NCAM2: variants seen among roughly 807,000 people sequenced by gnomAD.
The protein encoded by NCAM2 is N-CAM-2.
In NCAM2, 30 loss-of-function variants were observed where a neutral mutation model predicts 98.1. The observed-to-expected ratio is 0.31, with a 90% CI of 0.23 to 0.41. The LOEUF (loss-of-function observed/expected upper bound fraction) is 0.41, where lower values mean the gene tolerates loss of function less well. NCAM2 is among the 10% of genes least tolerant of loss of function. NCAM2 has a pLI of 1.00. For synonymous variants in NCAM2, 368 were observed against 342.4 expected (o/e 1.07, Z -0.83); for missense variants, 867 against 1,005.8 (o/e 0.86, Z 1.87).
At chr21:21,107,619 C>T (rs2066375444) in intron 1 of NCAM2, among the ~76,000 whole-genome samples, 1 of 151,948 alleles carries the variant, frequency 6.6e-6, no homozygotes, top group Non-Finnish European at 1.5e-5. Context: ...TAAAAACTTT[C>T]AACATATTTT....
At chr21:21,155,664 ATAATG>A (rs1040987325) in intron 1 of NCAM2, among the ~76,000 whole-genome samples, 6 of 151,894 alleles carry the variant, frequency 4.0e-5, no homozygotes, top group African/African-American at 2.4e-5. Context: ...CTTTAAATTG[ATAATG>A]TAATAGAAAC....
chr21:21,431,320 A>G (rs78814103), intron 11 of NCAM2, among the ~76,000 whole-genome samples: 203 of 147,070 alleles, frequency 1.4e-3, no homozygotes, highest in African/African-American at 3.9e-3. Context: ...CCTCACTGGG[A>G]TTTTTTTTTT....
chr21:21,020,420 C>G (rs1178322052), intron 1 of NCAM2, among the ~76,000 whole-genome samples: 1 of 152,192 alleles, frequency 6.6e-6, no homozygotes. Context: ...GAACTGTTGT[C>G]TGGGCTCTGG....
At chr21:21,254,051 A>C (rs1485284521) in intron 1 of NCAM2, among the ~76,000 whole-genome samples, 1 of 152,232 alleles carries the variant, frequency 6.6e-6, no homozygotes, top group Non-Finnish European at 1.5e-5. Flanking sequence ...CCAAAAACTT[A>C]CACCAGAAAA....
intron 1 of NCAM2, among the ~76,000 whole-genome samples, chr21:21,225,249 C>G (rs888426586): frequency 9.2e-5 from 14 of 151,968 alleles, no homozygotes; most frequent in African/African-American, 3.4e-4. Flanking sequence ...CACACTGGGG[C>G]TTGTCAGGGG....
At chr21:21,335,694 T>C in intron 7 of NCAM2, 29 bp downstream of exon 7, 1 of 1,535,756 alleles carries the variant, frequency 6.5e-7, no homozygotes, top group Non-Finnish European at 8.8e-7. Context: ...TGGCTAAAAC[T>C]GTTATGTCTA....
chr21:21,200,279 G>T (rs1238818004), intron 1 of NCAM2, among the ~76,000 whole-genome samples: 1 of 152,002 alleles, frequency 6.6e-6, no homozygotes. Flanking sequence ...AAATGGACTT[G>T]CATGGGTCAC....
intron 1 of NCAM2, among the ~76,000 whole-genome samples, chr21:21,129,316 G>A (rs2066888832): frequency 6.6e-6 from 1 of 151,998 alleles, no homozygotes; most frequent in African/African-American, 2.4e-5. Context: ...TTTAATCATT[G>A]TATTATGATT....
At chr21:21,399,158 A>G (rs2076577277) in intron 9 of NCAM2, among the ~76,000 whole-genome samples, 1 of 152,310 alleles carries the variant, frequency 6.6e-6, no homozygotes, top group Non-Finnish European at 1.5e-5. Context: ...TTAATGAGAA[A>G]TATGGTTAAT....
intron 16 of NCAM2, among the ~76,000 whole-genome samples, chr21:21,521,904 C>G (rs549891969): frequency 6.6e-6 from 1 of 151,454 alleles, no homozygotes; most frequent in Non-Finnish European, 1.5e-5. Flanking sequence ...AGGCACCATA[C>G]CATAGATCCA....
At chr21:21,302,578 C>CTA (rs1354739010) in intron 5 of NCAM2, among the ~76,000 whole-genome samples, 1 of 151,972 alleles carries the variant, frequency 6.6e-6, no homozygotes, top group African/African-American at 2.4e-5. Flanking sequence ...ACTCAGAAGG[C>CTA]TATTATTAAA....
intron 1 of NCAM2, among the ~76,000 whole-genome samples, chr21:21,074,268 A>T (rs2065632431): frequency 6.6e-6 from 1 of 152,006 alleles, no homozygotes; most frequent in African/African-American, 2.4e-5. Context: ...AACGATTTTG[A>T]TGAATATAAA....
chr21:21,043,892 T>G (rs533705362), intron 1 of NCAM2, among the ~76,000 whole-genome samples: 1 of 150,176 alleles, frequency 6.7e-6, no homozygotes, highest in Non-Finnish European at 1.5e-5. Context: ...GATATGTGAA[T>G]CTTTCTTTGC....
chr21:21,033,076 C>G (rs1049443393), intron 1 of NCAM2, among the ~76,000 whole-genome samples: 1 of 151,964 alleles, frequency 6.6e-6, no homozygotes, highest in Non-Finnish European at 1.5e-5. Flanking sequence ...TCCCAAGTAG[C>G]TGTAGCTGGG....
intron 1 of NCAM2, among the ~76,000 whole-genome samples, chr21:21,052,224 C>T (rs1338964602): frequency 7.2e-6 from 1 of 138,742 alleles, no homozygotes; most frequent in Non-Finnish European, 1.5e-5. Flanking sequence ...CTGGCACTGG[C>T]AACATCTCGG....
intron 1 of NCAM2, among the ~76,000 whole-genome samples, chr21:21,070,300 AAT>A (rs1399901529): frequency 1.3e-5 from 2 of 150,472 alleles, no homozygotes; most frequent in Non-Finnish European, 3.0e-5. Context: ...CTAATATGTA[AAT>A]ATGTTATCAA....
intron 1 of NCAM2, among the ~76,000 whole-genome samples, chr21:21,119,775 G>A (rs927502985): frequency 6.6e-6 from 1 of 151,980 alleles, no homozygotes; most frequent in African/African-American, 2.4e-5. Flanking sequence ...AAACTTTTAG[G>A]AAAAATAAGT....
At chr21:21,514,472 C>CAAAAAA (rs56710788) in intron 16 of NCAM2, among the ~76,000 whole-genome samples, 675 of 127,570 alleles carry the variant, frequency 5.3e-3, no homozygotes, top group Non-Finnish European at 7.3e-3. Context: ...TCTCAAAAAA[C>CAAAAAA]AAAAAAAAAA....
At chr21:21,174,576 G>A (rs1489776944) in intron 1 of NCAM2, among the ~76,000 whole-genome samples, 1 of 152,020 alleles carries the variant, frequency 6.6e-6, no homozygotes, top group Non-Finnish European at 1.5e-5. Context: ...TATGTTTCTG[G>A]AAGGCAATAA....
Sources: gnomAD v4.1 joint callset for allele counts (sites outside exome capture counted in the v4.1 genomes callset) on GRCh38, gnomAD v4.1.1 for gene constraint, MANE v1.5 for transcripts, NCBI Gene and HGNC (gene_info 2026-07-23, HGNC 2026-07-21) for gene names.